STK24: variants seen among roughly 807,000 people sequenced by gnomAD.
The protein encoded by STK24 is serine/threonine kinase 24, also known as serine/threonine-protein kinase 24.
In STK24, 21 loss-of-function variants were observed where a neutral mutation model predicts 55.6. The observed-to-expected ratio is 0.38, with a 90% CI of 0.27 to 0.54. STK24 has a LOEUF of 0.54. Among genes scored for constraint, STK24 ranks in the 20% least tolerant of loss-of-function variants. The pLI, the probability that STK24 is intolerant of heterozygous loss-of-function variation, is 0.79. For synonymous variants in STK24, 200 were observed against 215.2 expected, an observed-to-expected ratio of 0.93 and a Z score of 0.62; for missense variants, 383 against 538.4, an observed-to-expected ratio of 0.71 and a Z score of 2.86.
At chr13:98,494,971 A>G (rs1440607275) in intron 2 of STK24, among the ~76,000 whole-genome samples, 2 of 152,220 alleles carry the variant, frequency 1.3e-5, no homozygotes, top group Non-Finnish European at 2.9e-5. Context: ...CTCGGTGAAG[A>G]TGACCCTGTG....
chr13:98,467,292 A>G (rs889076187), intron 5 of STK24, among the ~76,000 whole-genome samples: 14 of 152,198 alleles, frequency 9.2e-5, no homozygotes, highest in Admixed American at 7.9e-4. Flanking sequence ...ATCAGTCATC[A>G]TGACATTTTC....
intron 1 of STK24, among the ~76,000 whole-genome samples, chr13:98,556,051 G>A (rs757904362): frequency 1.3e-5 from 2 of 152,074 alleles, no homozygotes; most frequent in Admixed American, 6.6e-5. Flanking sequence ...TATACCTGAC[G>A]AAATGCCCGG....
intron 1 of STK24, among the ~76,000 whole-genome samples, chr13:98,527,382 C>G (rs1896460687): frequency 6.6e-6 from 1 of 152,206 alleles, no homozygotes; most frequent in Non-Finnish European, 1.5e-5. Flanking sequence ...ATTCCAGTGG[C>G]CAAGACCCCA....
At chr13:98,479,294 A>T (rs1320599086) in intron 3 of STK24, among the ~76,000 whole-genome samples, 2 of 152,168 alleles carry the variant, frequency 1.3e-5, no homozygotes, top group Non-Finnish European at 2.9e-5. Flanking sequence ...TTTATTTTAA[A>T]TTTTTTTAAA....
At chr13:98,542,699 A>G (rs1896921882) in intron 1 of STK24, 4 of 343,408 alleles carry the variant, frequency 1.2e-5, no homozygotes, top group African/African-American at 3.2e-5. Context: ...GTTCCTTTCC[A>G]TATTAGTCCC....
At chr13:98,527,451 G>A (rs1481206751) in intron 1 of STK24, among the ~76,000 whole-genome samples, 1 of 152,232 alleles carries the variant, frequency 6.6e-6, no homozygotes, top group Non-Finnish European at 1.5e-5. Flanking sequence ...CGGGAATCAT[G>A]CTCCGCGGGC....
At chr13:98,557,796 A>G (rs960561396) in intron 1 of STK24, among the ~76,000 whole-genome samples, 7 of 152,146 alleles carry the variant, frequency 4.6e-5, no homozygotes, top group African/African-American at 1.7e-4. Flanking sequence ...CTTCTTCAAC[A>G]TATGTGTCTT....
intron 5 of STK24, among the ~76,000 whole-genome samples, chr13:98,467,230 A>G (rs1418640365): frequency 1.3e-5 from 2 of 152,224 alleles, no homozygotes; most frequent in Non-Finnish European, 2.9e-5. Context: ...ACTAATTAAC[A>G]TTTTGCCATA....
intron 1 of STK24, among the ~76,000 whole-genome samples, chr13:98,548,861 C>CAAAAAA (rs55793722): frequency 1.1e-4 from 4 of 37,786 alleles, no homozygotes; most frequent in African/African-American, 3.6e-4. Flanking sequence ...GACTCTGTCT[C>CAAAAAA]AAAAAAAAAA....
chr13:98,448,224 C>G lies in STK24; in HGVS notation c.*4949G>C. The G allele has an allele frequency of 1.2e-6, 2 of 1,611,676 alleles. No homozygotes were observed. The highest frequency in any genetic ancestry group is 1.7e-6 in the Non-Finnish European group (2 of 1,177,870). On this transcript the variant is annotated 3_prime_UTR_variant, in exon 11 of 11. Transcript: ENST00000539966. ...AACAAAAGGTTGACTAACTGGCGTT[C>G]CCGTGTTGCAGGTGGATGGAAGTGA...
chr13:98,503,598 G>C (rs1895573304), intron 2 of STK24, among the ~76,000 whole-genome samples: 2 of 152,210 alleles, frequency 1.3e-5, no homozygotes, highest in Non-Finnish European at 2.9e-5. Context: ...GCCAGTGGGA[G>C]ACGTGGAAAG....
At chr13:98,540,681 C>T (rs1005831035) in intron 1 of STK24, among the ~76,000 whole-genome samples, 23 of 145,414 alleles carry the variant, frequency 1.6e-4, no homozygotes, top group Non-Finnish European at 2.8e-4. Flanking sequence ...GTCCATGAAG[C>T]TTGGTGGCAG....
intron 1 of STK24, chr13:98,522,002 C>T (rs1233414686): frequency 2.1e-6 from 3 of 1,438,430 alleles, no homozygotes; most frequent in South Asian, 2.9e-5. Context: ...ACCCAAAGCC[C>T]TCCTCCTCCA....
At chr13:98,542,157 C>G (rs186009506) in intron 1 of STK24, among the ~76,000 whole-genome samples, 2 of 152,158 alleles carry the variant, frequency 1.3e-5, no homozygotes, top group Non-Finnish European at 2.9e-5. Flanking sequence ...ACATGGTAAT[C>G]AGCTCTCATG....
intron 3 of STK24, among the ~76,000 whole-genome samples, chr13:98,481,667 T>C (rs1413931231): frequency 6.6e-6 from 1 of 152,212 alleles, no homozygotes; most frequent in Admixed American, 6.5e-5. Flanking sequence ...CTGTTCTCAG[T>C]TGAGATAATT....
intron 8 of STK24, 130 bp downstream of exon 8, chr13:98,461,644 C>T: frequency 3.8e-6 from 5 of 1,322,624 alleles, no homozygotes; most frequent in Non-Finnish European, 4.2e-6. Context: ...TGCCCATCCC[C>T]TAGCAACAAA....
rs187555584 is a variant in STK24, at chr13:98,521,561, T to C, written c.43-2088A>G. 3.6e-3 allele frequency among the ~76,000 whole-genome samples: 543 copies of C among 152,266 alleles called. 10 individuals are homozygous for C. Among genetic ancestry groups the C allele is most frequent in the East Asian group, 3.5e-3 (18 of 5,172 alleles). On this transcript the variant is annotated intron_variant, in intron 1 of 10. Transcript: ENST00000539966. Reference sequence around the variant, plus strand: ...CAGGCTGAGTATCACCAGTCACTTTTGGGAATGCCACAGAATGCCCGGGTG... The same window carrying C: ...CAGGCTGAGTATCACCAGTCACTTTCGGGAATGCCACAGAATGCCCGGGTG...
At chr13:98,548,879 A>AAC (rs1897094347) in intron 1 of STK24, among the ~76,000 whole-genome samples, 1 of 151,386 alleles carries the variant, frequency 6.6e-6, no homozygotes, top group Admixed American at 6.6e-5. Flanking sequence ...AAAAAAAAAA[A>AAC]AAAAAAATAG....
intron 1 of STK24, among the ~76,000 whole-genome samples, chr13:98,566,198 CA>C (rs376268502): frequency 6.6e-6 from 1 of 151,878 alleles, no homozygotes; most frequent in Non-Finnish European, 1.5e-5. Context: ...TTCTTTTCCT[CA>C]AAAAAAATGA....
Sources: gnomAD v4.1 joint callset for allele counts (sites outside exome capture counted in the v4.1 genomes callset) on GRCh38, gnomAD v4.1.1 for gene constraint, MANE v1.5 for transcripts, NCBI Gene and HGNC (gene_info 2026-07-23, HGNC 2026-07-21) for gene names.